The following CDH10 variants were observed in gnomAD, a reference collection of about 807,000 sequenced individuals.
CDH10 encodes the protein cadherin-10.
Under a neutral mutation model 73.1 loss-of-function variants are expected in CDH10, and 30 were observed. The observed-to-expected ratio is 0.41, with a 90% CI of 0.31 to 0.56. The LOEUF is 0.56. Among genes scored for constraint, CDH10 ranks in the 20% least tolerant of loss-of-function variants. The probability of loss-of-function intolerance (pLI) is 0.27; values close to 1 mark genes in which losing one functional copy is unlikely to be tolerated. For missense variants in CDH10, 815 were observed against 973.7 expected, an observed-to-expected ratio of 0.84 and a Z score of 2.17; for synonymous variants, 345 against 348.2, an observed-to-expected ratio of 0.99 and a Z score of 0.10.
chr5:24,498,159 T>G (rs1424572462), intron 9 of CDH10, among the ~76,000 whole-genome samples: 1 of 152,184 alleles, frequency 6.6e-6, no homozygotes, highest in Non-Finnish European at 1.5e-5. Flanking sequence ...CTTCAACTTT[T>G]GTGGCAACAA....
intron 5 of CDH10, among the ~76,000 whole-genome samples, chr5:24,520,409 C>A (rs1579752800): frequency 6.6e-6 from 1 of 152,062 alleles, no homozygotes. Flanking sequence ...TCTTTATAAA[C>A]CTCAAACAAG....
chr5:24,573,502 C>A (rs559645515), intron 2 of CDH10, among the ~76,000 whole-genome samples: 1 of 151,956 alleles, frequency 6.6e-6, no homozygotes, highest in South Asian at 2.1e-4. Context: ...GAGATTGAGA[C>A]CATCCTGGCT....
At chr5:24,584,471 T>TGA (rs1745915907) in intron 2 of CDH10, among the ~76,000 whole-genome samples, 1 of 109,652 alleles carries the variant, frequency 9.1e-6, no homozygotes, top group African/African-American at 3.2e-5. Flanking sequence ...TTTTTGTGTG[T>TGA]GTGTGAGAGA....
At chr5:24,625,570 TATAC>T (rs1355046574) in intron 1 of CDH10, among the ~76,000 whole-genome samples, 4 of 35,524 alleles carry the variant, frequency 1.1e-4, no homozygotes, top group Non-Finnish European at 7.4e-4. Flanking sequence ...TATTCATATA[TATAC>T]ATATATTCAT....
intron 11 of CDH10, among the ~76,000 whole-genome samples, chr5:24,489,147 G>GAT (rs140134280): frequency 2.2e-4 from 33 of 151,582 alleles, no homozygotes; most frequent in African/African-American, 4.1e-4. Context: ...ACTCTTACTG[G>GAT]ATATATATAT....
At chr5:24,604,883 A>C (rs1158434457) in intron 1 of CDH10, among the ~76,000 whole-genome samples, 1 of 149,720 alleles carries the variant, frequency 6.7e-6, no homozygotes, top group African/African-American at 2.5e-5. Context: ...AAAAAAAAAA[A>C]AAAAAAAAAA....
At chr5:24,534,041 G>A (rs574573956) in intron 5 of CDH10, among the ~76,000 whole-genome samples, 20 of 151,948 alleles carry the variant, frequency 1.3e-4, no homozygotes, top group Non-Finnish European at 2.4e-4. Context: ...AATAATGAAA[G>A]TTAGGTAAAA....
Position 24,515,452 on chromosome 5 carries a change from T to C in CDH10, c.815-3938A>G, listed in dbSNP as rs1224704775. Among the ~76,000 whole-genome samples the C allele has an allele frequency of 2.0e-5, 3 of 152,168 alleles. No individual in the cohort carries two copies. The South Asian group carries it at 6.2e-4, about 31-fold the overall frequency. On this transcript the variant is annotated intron_variant, in intron 5 of 11. Transcript: ENST00000264463. ...GAAGAAGAGTCCAGTGGACGTATAG[T>C]GTGGTCAAAATTCAGGCTGTACCAC...
intron 10 of CDH10, among the ~76,000 whole-genome samples, chr5:24,492,499 C>G (rs535544946): frequency 2.6e-5 from 4 of 152,138 alleles, no homozygotes; most frequent in African/African-American, 9.7e-5. Context: ...AAGAGTCTCA[C>G]TGAATCATTC....
intron 1 of CDH10, among the ~76,000 whole-genome samples, chr5:24,598,656 T>C (rs527627212): frequency 5.3e-5 from 8 of 152,128 alleles, no homozygotes; most frequent in African/African-American, 1.9e-4. Context: ...GAATGAAATA[T>C]ACAACACAAA....
At chr5:24,639,457 G>T (rs1190101122) in intron 1 of CDH10, among the ~76,000 whole-genome samples, 5 of 151,562 alleles carry the variant, frequency 3.3e-5, no homozygotes, top group African/African-American at 1.2e-4. Flanking sequence ...TTTAATTCTT[G>T]TATTTATACA....
chr5:24,626,792 A>ATATGTGTGTGTG (rs991988107), intron 1 of CDH10, among the ~76,000 whole-genome samples: 1 of 149,052 alleles, frequency 6.7e-6, no homozygotes, highest in African/African-American at 2.5e-5. Context: ...ATATATATAT[A>ATATGTGTGTGTG]TGTGTGTGTG....
rs536899870 is a variant in CDH10 at position 24,642,555 on chromosome 5, C to A, written c.-124+2039G>T. ...CTCTAAATTAAAATCAGTTTTGTAT[C>A]CTCTCTTTTTCTTTTTTAAAGAAAA... is the stretch of plus-strand genomic sequence containing the variant. On this transcript the variant is annotated intron_variant, in intron 1 of 11. Transcript: ENST00000264463. 3.3e-5 allele frequency among the ~76,000 whole-genome samples: 5 copies of A among 152,104 alleles called. No individual in the cohort carries two copies. In the South Asian group the frequency reaches 1.0e-3, roughly 31 times the overall value.
At chr5:24,633,580 T>C (rs1028604393) in intron 1 of CDH10, among the ~76,000 whole-genome samples, 2 of 151,884 alleles carry the variant, frequency 1.3e-5, no homozygotes, top group African/African-American at 2.4e-5. Flanking sequence ...CAGAGGATTC[T>C]GAAAGGAATT....
intron 1 of CDH10, among the ~76,000 whole-genome samples, chr5:24,600,636 T>A (rs911421906): frequency 1.3e-5 from 2 of 151,992 alleles, no homozygotes; most frequent in African/African-American, 4.8e-5. Context: ...TGTACATGCA[T>A]GCAGATGTAC....
intron 8 of CDH10, among the ~76,000 whole-genome samples, chr5:24,502,847 G>C (rs1014264425): frequency 1.3e-5 from 2 of 152,070 alleles, no homozygotes; most frequent in Non-Finnish European, 2.9e-5. Flanking sequence ...TGGGGATGTG[G>C]ATACAGATAG....
intron 1 of CDH10, among the ~76,000 whole-genome samples, chr5:24,633,488 T>G (rs936554847): frequency 6.6e-6 from 1 of 151,922 alleles, no homozygotes; most frequent in Non-Finnish European, 1.5e-5. Context: ...CTGCTTTTCT[T>G]GTAGGCAGCA....
intron 5 of CDH10, among the ~76,000 whole-genome samples, chr5:24,534,121 C>T (rs539898024): frequency 1.3e-5 from 2 of 152,084 alleles, no homozygotes; most frequent in South Asian, 4.2e-4. Flanking sequence ...GACAGTAATT[C>T]CTCTGAGCAA....
chr5:24,610,566 T>A (rs1042196331), intron 1 of CDH10, among the ~76,000 whole-genome samples: 7 of 152,194 alleles, frequency 4.6e-5, no homozygotes, highest in African/African-American at 1.7e-4. Flanking sequence ...GTTAAACTGC[T>A]CTACCGAATG....
Sources: allele counts gnomAD v4.1 joint callset (sites outside exome capture counted in the v4.1 genomes callset), GRCh38; gene constraint gnomAD v4.1.1; transcripts MANE v1.5; gene names NCBI Gene and HGNC (gene_info 2026-07-23, HGNC 2026-07-21).